Variants in KIRREL1 observed in about 807,000 individuals in gnomAD.
KIRREL1 encodes kirre like nephrin family adhesion molecule 1, also known as kin of IRRE-like protein 1.
KIRREL1 carries 25 observed loss-of-function variants against 83.3 expected under a neutral mutation model. The ratio of observed to expected loss-of-function variants is 0.30; its 90% confidence interval spans 0.22 to 0.42. The LOEUF (loss-of-function observed/expected upper bound fraction) is 0.42. KIRREL1 is among the 10% of genes least tolerant of loss of function. KIRREL1 has a pLI of 1.00. For missense variants in KIRREL1, 812 were observed against 1,032.3 expected, an observed-to-expected ratio of 0.79 and a Z score of 2.92; for synonymous variants, 388 against 410.4, an observed-to-expected ratio of 0.95 and a Z score of 0.66.
rs1290013149 is a variant in KIRREL1 at position 158,089,858 on chromosome 1, G to A, written c.1272+40G>A. 3.4e-5 allele frequency: 53 copies of A among 1,571,234 alleles called. No individual in the cohort carries two copies. The East Asian group carries it at 1.1e-3, about 33-fold the overall frequency. Reference sequence around the variant, plus strand: ...TGCCTGCGGACAGCCAGCCCTCCCTGCTTCTTTGCCCAGGCCCAGCCTCCT... The same window carrying A: ...TGCCTGCGGACAGCCAGCCCTCCCTACTTCTTTGCCCAGGCCCAGCCTCCT... On this transcript the variant is annotated intron_variant, in intron 10 of 14. Coordinates refer to ENST00000359209, the MANE Select transcript of KIRREL1 (RefSeq NM_018240.7).
intron 1 of KIRREL1, among the ~76,000 whole-genome samples, chr1:158,037,598 T>C (rs1448169702): frequency 6.6e-6 from 1 of 152,048 alleles, no homozygotes; most frequent in Non-Finnish European, 1.5e-5. Flanking sequence ...CATGCCTGGC[T>C]TATATACGTG....
chr1:158,040,891 A>G (rs1422476030), intron 1 of KIRREL1, among the ~76,000 whole-genome samples: 1 of 152,116 alleles, frequency 6.6e-6, no homozygotes, highest in Non-Finnish European at 1.5e-5. Flanking sequence ...ATCAACAACA[A>G]GGAAATAATG....
chr1:157,994,091 T>C (rs950638747), intron 1 of KIRREL1, among the ~76,000 whole-genome samples: 1 of 152,310 alleles, frequency 6.6e-6, no homozygotes, highest in Admixed American at 6.5e-5. Flanking sequence ...TCCGGACGCC[T>C]GAGTCCAGCC....
At chr1:158,063,019 G>T (rs190934951) in intron 1 of KIRREL1, among the ~76,000 whole-genome samples, 4 of 152,306 alleles carry the variant, frequency 2.6e-5, no homozygotes, top group Admixed American at 2.0e-4. Context: ...ACTTCCAATT[G>T]CTCACTGGAC....
At position 157,993,700 on chromosome 1, in the gene KIRREL1, CCTCA is replaced by C. The variant is rs1659106324; in HGVS notation, c.28_31del (p.Thr10SerfsTer120). ...GCATGCTGAGCCTCCTCGTCTGGAT[CCTCA>C]CTCTCTCCGATACTTTCTCCCAAGG... is the stretch of plus-strand genomic sequence containing the variant. On this transcript the variant is annotated frameshift_variant, in exon 1 of 15. Transcript: ENST00000359209. LOFTEE classifies it high-confidence loss of function. 1 of 1,495,498 alleles carries C rather than the reference CCTCA, an allele frequency of 6.7e-7. No individual in the cohort carries two copies. Among genetic ancestry groups the C allele is most frequent in the African/African-American group, 1.5e-5 (1 of 68,522 alleles). 92.6% of individuals were successfully genotyped at this position (1,495,498 alleles called of 1,614,324 possible). A position where few individuals can be genotyped will look rare whatever the true frequency, so the allele number is the denominator to read the frequency against.
At chr1:158,039,868 G>A (rs1257785092) in intron 1 of KIRREL1, among the ~76,000 whole-genome samples, 1 of 152,190 alleles carries the variant, frequency 6.6e-6, no homozygotes, top group African/African-American at 2.4e-5. Context: ...TCTTTATAGG[G>A]AACTGCTCTT....
Position 158,078,733 on chromosome 1 carries a change from G to A in KIRREL1, c.352+593G>A, listed in dbSNP as rs183647706. On this transcript the variant is annotated intron_variant, in intron 3 of 14. Transcript: ENST00000359209. ...ATGGGCCTTGAGGCTGAAAACTGGG[G>A]TGAGGGGTGGGAGGGATGGGGTCCT... 2.4e-3 allele frequency among the ~76,000 whole-genome samples: 367 copies of A among 151,590 alleles called. 2 individuals are homozygous for A. The highest frequency in any genetic ancestry group is 3.7e-3 in the Non-Finnish European group (249 of 67,814).
rs373928570 is a variant in KIRREL1, at chr1:158,095,078, C to T, written c.2232C>T (p.Asp744=). 125 of 1,610,252 alleles carry T rather than the reference C, an allele frequency of 7.8e-5. No homozygotes were observed. The highest frequency in any genetic ancestry group is 1.0e-4 in the Non-Finnish European group (121 of 1,177,404). Residue 744 remains aspartate (D), a synonymous_variant, in exon 15 of 15, where the codon GAC becomes GAT. Transcript: ENST00000359209. ...TRFSYTSQHS[D]YGQRFQQRMQ... ...TCTCCTACACCTCCCAGCACTCGGA[C>T]TACGGCCAGCGATTCCAGCAGCGCA...
At chr1:158,074,868 T>C (rs1215945204) in intron 1 of KIRREL1, among the ~76,000 whole-genome samples, 2 of 152,054 alleles carry the variant, frequency 1.3e-5, no homozygotes. Flanking sequence ...TTTAGAAAGC[T>C]CTGTTAGGAA....
chr1:158,093,661 G>A lies in KIRREL1; in HGVS notation c.1618G>A (p.Val540Met). The A allele has an allele frequency of 6.2e-7, 1 of 1,614,186 alleles. No homozygotes were observed. The highest frequency in any genetic ancestry group is 8.5e-7 in the Non-Finnish European group (1 of 1,180,034). ...GACCCTGAGGAAGCTGGATATCAAG[G>A]TGGAGACAGTGAACCGAGAGCCACT... ...DVTLRKLDIK[V>M]ETVNREPLTM... The change falls in exon 13 of 15, where the codon GTG becomes ATG. Residue 540 changes from valine (V) to methionine (M), a missense_variant. Physicochemically the swap from Val to Met is conservative, Grantham distance 21. Transcript: ENST00000359209.
intron 1 of KIRREL1, among the ~76,000 whole-genome samples, chr1:158,008,366 C>G (rs1285289059): frequency 6.6e-6 from 1 of 152,162 alleles, no homozygotes; most frequent in Non-Finnish European, 1.5e-5. Flanking sequence ...GTCCACAGTG[C>G]TGGCTGCTGG....
chr1:158,078,506 T>G (rs1661752464), intron 3 of KIRREL1, among the ~76,000 whole-genome samples: 1 of 152,110 alleles, frequency 6.6e-6, no homozygotes, highest in African/African-American at 2.4e-5. Flanking sequence ...GCAGGCTTGT[T>G]GGTGAGGGGG....
intron 1 of KIRREL1, among the ~76,000 whole-genome samples, chr1:158,070,031 AG>A (rs1019192384): frequency 1.3e-5 from 2 of 152,184 alleles, no homozygotes; most frequent in Non-Finnish European, 2.9e-5. Context: ...CCCTTCGTGT[AG>A]GGACATCTAG....
intron 1 of KIRREL1, among the ~76,000 whole-genome samples, chr1:158,042,755 G>C (rs16839680): frequency 0.033 from 4,993 of 152,100 alleles, 127 homozygotes; most frequent in African/African-American, 0.066. Context: ...TGCACCCTCT[G>C]TGATGTTATT....
rs1184558826 is a variant in KIRREL1 at position 158,084,389 on chromosome 1, C to T, written c.353-33C>T. 2.6e-6 allele frequency: 4 copies of T among 1,534,656 alleles called. No homozygotes were observed. In the East Asian group the frequency reaches 7.4e-5, roughly 28 times the overall value. On this transcript the variant is annotated intron_variant, in intron 3 of 14. Coordinates refer to ENST00000359209, the MANE Select transcript of KIRREL1 (RefSeq NM_018240.7). ...GTCTTCAGGGAAGTGTTAGCCACAC[C>T]CTGCACTGACTTTGCTCTGCTTTCT...
rs542193720 is a variant in KIRREL1, at chr1:158,016,485, T to C, written c.52+22757T>C. Reference sequence around the variant, plus strand: ...TATAGTTAACTCCCAGTTGACCCAATAGAAGGAAGAGCCTTGACCCGAGTA... The same window carrying C: ...TATAGTTAACTCCCAGTTGACCCAACAGAAGGAAGAGCCTTGACCCGAGTA... On this transcript the variant is annotated intron_variant, in intron 1 of 14. Coordinates refer to ENST00000359209, the MANE Select transcript of KIRREL1 (RefSeq NM_018240.7). Among the ~76,000 whole-genome samples, 182 of 152,196 alleles carry C rather than the reference T, an allele frequency of 1.2e-3. 1 individual carries two copies. Among genetic ancestry groups the C allele is most frequent in the African/African-American group, 4.2e-3 (176 of 41,524 alleles).
At chr1:158,004,993 C>T (rs1659475735) in intron 1 of KIRREL1, among the ~76,000 whole-genome samples, 1 of 152,130 alleles carries the variant, frequency 6.6e-6, no homozygotes, top group South Asian at 2.1e-4. Flanking sequence ...AGGTTTCAAC[C>T]CAGTGTGTTA....
chr1:158,034,684 T>C (rs1435531905), intron 1 of KIRREL1, among the ~76,000 whole-genome samples: 4 of 152,234 alleles, frequency 2.6e-5, no homozygotes, highest in African/African-American at 9.6e-5. Context: ...ATTTTTGAAT[T>C]GTAAGCTGTT....
At chr1:158,007,202 T>C (rs1447708994) in intron 1 of KIRREL1, among the ~76,000 whole-genome samples, 2 of 152,194 alleles carry the variant, frequency 1.3e-5, no homozygotes, top group Non-Finnish European at 2.9e-5. Context: ...TAAACACCTA[T>C]AAAGATCATT....
Sources: allele counts gnomAD v4.1 joint callset (sites outside exome capture counted in the v4.1 genomes callset), GRCh38; gene constraint gnomAD v4.1.1; transcripts MANE v1.5; gene names NCBI Gene and HGNC (gene_info 2026-07-23, HGNC 2026-07-21).